The following MALRD1 variants were observed in gnomAD, a reference collection of about 807,000 sequenced individuals.
MALRD1 encodes MAM and LDL receptor class A domain containing 1, also known as MAM and LDL-receptor class A domain-containing protein 1.
Under a neutral mutation model 242.1 loss-of-function variants are expected in MALRD1, and 247 were observed. The observed-to-expected ratio is 1.02, with a 90% CI of 0.92 to 1.13. The LOEUF is 1.13. MALRD1 is among the 50% of genes most tolerant of loss of function. The pLI is 0.00. For missense variants in MALRD1, 2,989 were observed against 2,533.1 expected (o/e 1.18, Z -3.86); for synonymous variants, 995 against 866.6 (o/e 1.15, Z -2.60).
At chr10:19,442,885 G>A (rs1834748321) in intron 28 of MALRD1, among the ~76,000 whole-genome samples, 1 of 152,152 alleles carries the variant, frequency 6.6e-6, no homozygotes, top group Non-Finnish European at 1.5e-5. Context: ...AATAGTTTCA[G>A]AAGGAATGAT....
intron 31 of MALRD1, among the ~76,000 whole-genome samples, chr10:19,507,455 A>G (rs1317296163): frequency 1.3e-5 from 2 of 152,170 alleles, no homozygotes; most frequent in East Asian, 3.9e-4. Flanking sequence ...TGGAATTAGA[A>G]CTGATTATTT....
chr10:19,567,372 A>G (rs1048763348), intron 32 of MALRD1, 130 bp from the exon 33 acceptor site: 2 of 807,410 alleles, frequency 2.5e-6, no homozygotes, highest in Admixed American at 2.8e-5. Context: ...ATTTCTACAG[A>G]TAGAAAATAC....
At chr10:19,455,120 GT>G (rs1167868498) in intron 29 of MALRD1, among the ~76,000 whole-genome samples, 1 of 152,138 alleles carries the variant, frequency 6.6e-6, no homozygotes, top group African/African-American at 2.4e-5. Context: ...AGAAAAATAA[GT>G]GACAGATTAT....
intron 14 of MALRD1, among the ~76,000 whole-genome samples, chr10:19,181,569 A>T (rs1267071858): frequency 6.6e-6 from 1 of 152,144 alleles, no homozygotes; most frequent in Non-Finnish European, 1.5e-5. Context: ...AAATGGAGAT[A>T]TGTAGATCGG....
intron 1 of MALRD1, 104 bp downstream of exon 1, chr10:19,049,241 A>G (rs998590798): frequency 1.6e-5 from 13 of 833,870 alleles, no homozygotes; most frequent in Non-Finnish European, 2.1e-5. Context: ...CTCTGTATGC[A>G]TTGTATCTTG....
intron 10 of MALRD1, among the ~76,000 whole-genome samples, chr10:19,141,610 AAT>A (rs145126648): frequency 4.0e-5 from 6 of 150,728 alleles, no homozygotes; most frequent in Non-Finnish European, 3.0e-5. Context: ...ATATAGGAAA[AAT>A]ATATATATAT....
chr10:19,695,453 A>G (rs1367871634), intron 38 of MALRD1, among the ~76,000 whole-genome samples: 5 of 151,890 alleles, frequency 3.3e-5, no homozygotes, highest in Non-Finnish European at 2.9e-5. Context: ...TCACAGTTTC[A>G]TATGGCTGGG....
chr10:19,583,142 C>T (rs1458523418), intron 33 of MALRD1, among the ~76,000 whole-genome samples: 3 of 129,798 alleles, frequency 2.3e-5, no homozygotes, highest in Admixed American at 2.3e-4. Flanking sequence ...ATGGGGTTTT[C>T]TAGATATACA....
At chr10:19,453,172 C>A (rs1217663200) in intron 29 of MALRD1, among the ~76,000 whole-genome samples, 1 of 152,142 alleles carries the variant, frequency 6.6e-6, no homozygotes, top group Non-Finnish European at 1.5e-5. Context: ...GGTCACCACA[C>A]AATTTATCAT....
chr10:19,162,756 A>G (rs1461075928), intron 12 of MALRD1, among the ~76,000 whole-genome samples: 1 of 152,030 alleles, frequency 6.6e-6, no homozygotes, highest in Non-Finnish European at 1.5e-5. Context: ...CAGTATGGCA[A>G]CTCCACAAAG....
At chr10:19,117,708 A>G (rs1444528503) in intron 5 of MALRD1, among the ~76,000 whole-genome samples, 1 of 152,170 alleles carries the variant, frequency 6.6e-6, no homozygotes, top group African/African-American at 2.4e-5. Context: ...TTGCATATTC[A>G]TCATTTGTAA....
intron 31 of MALRD1, among the ~76,000 whole-genome samples, chr10:19,511,152 C>T (rs1201278629): frequency 6.6e-6 from 1 of 152,142 alleles, no homozygotes; most frequent in Non-Finnish European, 1.5e-5. Context: ...CCCAAAGATG[C>T]TCATTTACAG....
intron 28 of MALRD1, among the ~76,000 whole-genome samples, chr10:19,432,425 A>G (rs548769064): frequency 6.8e-4 from 103 of 152,310 alleles, no homozygotes; most frequent in African/African-American, 2.3e-3. Flanking sequence ...TCTGAAATCT[A>G]TTAGTTGGAT....
chr10:19,497,012 T>A (rs901263350), intron 30 of MALRD1, among the ~76,000 whole-genome samples: 1 of 152,114 alleles, frequency 6.6e-6, no homozygotes, highest in South Asian at 2.1e-4. Flanking sequence ...TGGATAAATA[T>A]CTTTAGCATC....
chr10:19,124,479 C>T, intron 6 of MALRD1, 45 bp from the exon 7 acceptor site: 1 of 1,232,938 alleles, frequency 8.1e-7, no homozygotes, highest in Non-Finnish European at 1.0e-6. Flanking sequence ...TAAGCAGCCA[C>T]TCTAGCAGAC....
chr10:19,596,972 C>T (rs1287633826), intron 34 of MALRD1, among the ~76,000 whole-genome samples: 2 of 151,902 alleles, frequency 1.3e-5, no homozygotes, highest in Non-Finnish European at 2.9e-5. Context: ...AAATCTGGAA[C>T]AATTGGAAGA....
At chr10:19,067,381 G>A (rs529053082) in intron 2 of MALRD1, among the ~76,000 whole-genome samples, 81 of 152,124 alleles carry the variant, frequency 5.3e-4, no homozygotes, top group African/African-American at 1.6e-3. Flanking sequence ...TCAACATTGC[G>A]TACCGGGTGT....
chr10:19,608,364 A>G (rs1838735750), intron 35 of MALRD1, among the ~76,000 whole-genome samples: 1 of 152,094 alleles, frequency 6.6e-6, no homozygotes, highest in African/African-American at 2.4e-5. Flanking sequence ...CTTGACTTCT[A>G]AACATTTTTC....
chr10:19,314,110 C>T (rs567585732), intron 21 of MALRD1, among the ~76,000 whole-genome samples: 32 of 151,620 alleles, frequency 2.1e-4, no homozygotes, highest in African/African-American at 7.2e-4. Flanking sequence ...CTGAGTGCCA[C>T]TTGAGTTCAA....
Sources: allele counts gnomAD v4.1 joint callset (sites outside exome capture counted in the v4.1 genomes callset), GRCh38; gene constraint gnomAD v4.1.1; transcripts MANE v1.5; gene names NCBI Gene and HGNC (gene_info 2026-07-23, HGNC 2026-07-21).